ERBB4: variants seen among roughly 807,000 people sequenced by gnomAD.
ERBB4 encodes erb-b2 receptor tyrosine kinase 4.
ERBB4 carries 42 observed loss-of-function variants against 158.0 expected under a neutral mutation model. The ratio of observed to expected loss-of-function variants is 0.27; its 90% confidence interval spans 0.21 to 0.34. The LOEUF (loss-of-function observed/expected upper bound fraction) is 0.34. ERBB4 is among the 10% of genes least tolerant of loss of function. ERBB4 has a pLI of 1.00. For synonymous variants in ERBB4, 583 were observed against 558.7 expected (o/e 1.04, Z -0.61); for missense variants, 1,333 against 1,624.1 (o/e 0.82, Z 3.08).
At position 211,955,186 on chromosome 2, in the gene ERBB4, C is replaced by T. The variant is rs17414654; in HGVS notation, c.235-7570G>A. 7.1e-3 allele frequency among the ~76,000 whole-genome samples: 1,079 copies of T among 152,136 alleles called. 7 individuals carry two copies. The highest frequency in any genetic ancestry group is 0.011 in the Non-Finnish European group (726 of 67,964). The stretch of plus-strand genomic sequence containing the variant: ...ATCCCAACAAACTGCTAACTTTCAG[C>T]CATTTCCAGCTAGTCTCTTGGGTGC... On this transcript the variant is annotated intron_variant, in intron 2 of 27. Transcript: ENST00000342788.
Position 211,561,235 on chromosome 2 carries a change from C to CA in ERBB4, c.2487+667dup, listed in dbSNP as rs1403709961. 3.9e-5 allele frequency among the ~76,000 whole-genome samples: 6 copies of CA among 152,104 alleles called. 1 individual carries two copies. The highest frequency in any genetic ancestry group is 3.3e-4 in the Admixed American group (5 of 15,254). On this transcript the variant is annotated intron_variant, in intron 20 of 27. Transcript: ENST00000342788. ...CTTAAGATTTAAATTTGGGAAATCACAAAAAATCCAGAATTCTGGCCACTC... is the reference window on the plus strand; with the variant it reads ...CTTAAGATTTAAATTTGGGAAATCACAAAAAAATCCAGAATTCTGGCCACTC...
intron 1 of ERBB4, among the ~76,000 whole-genome samples, chr2:212,414,030 A>G (rs1424297801): frequency 6.6e-6 from 1 of 152,204 alleles, no homozygotes; most frequent in Non-Finnish European, 1.5e-5. Flanking sequence ...TCATGAGTTG[A>G]CAGTAAATTG....
intron 2 of ERBB4, among the ~76,000 whole-genome samples, chr2:212,071,881 T>A (rs1575596047): frequency 6.6e-6 from 1 of 152,034 alleles, no homozygotes; most frequent in Non-Finnish European, 1.5e-5. Flanking sequence ...AGACAATAGA[T>A]GTCTACTGCA....
intron 1 of ERBB4, among the ~76,000 whole-genome samples, chr2:212,452,833 G>A (rs1002778840): frequency 2.0e-5 from 3 of 151,998 alleles, no homozygotes; most frequent in Non-Finnish European, 4.4e-5. Context: ...GTTAAAATTT[G>A]TTTTTAAAAC....
chr2:212,038,776 G>A (rs2077072719), intron 2 of ERBB4, among the ~76,000 whole-genome samples: 1 of 152,086 alleles, frequency 6.6e-6, no homozygotes, highest in Non-Finnish European at 1.5e-5. Context: ...AATAAAATAA[G>A]AGCAACAGAA....
At chr2:211,745,720 AAAACAAAAACAAAAC>A (rs1301665043) in intron 5 of ERBB4, among the ~76,000 whole-genome samples, 3 of 122,866 alleles carry the variant, frequency 2.4e-5, no homozygotes, top group Non-Finnish European at 3.7e-5. Context: ...CGCCAGAAAA[AAAACAAAAACAAAAC>A]AAAAAAAACC....
At chr2:211,774,819 C>T (rs2075831345) in intron 4 of ERBB4, among the ~76,000 whole-genome samples, 1 of 152,070 alleles carries the variant, frequency 6.6e-6, no homozygotes, top group Admixed American at 6.6e-5. Flanking sequence ...GGGCTGTTAA[C>T]TGTTAGTGGG....
chr2:211,682,723 T>C (rs1263156324), intron 12 of ERBB4, among the ~76,000 whole-genome samples: 4 of 152,204 alleles, frequency 2.6e-5, no homozygotes, highest in East Asian at 1.9e-4. Context: ...TCTCTCATAG[T>C]ATTTTTCCAT....
At chr2:211,944,202 A>AG (rs1211091947) in intron 3 of ERBB4, among the ~76,000 whole-genome samples, 3 of 31,236 alleles carry the variant, frequency 9.6e-5, no homozygotes, top group African/African-American at 4.0e-4. Flanking sequence ...TATATATACT[A>AG]TATATATATA....
At chr2:212,268,007 T>C (rs2085211246) in intron 1 of ERBB4, among the ~76,000 whole-genome samples, 1 of 151,852 alleles carries the variant, frequency 6.6e-6, no homozygotes, top group Non-Finnish European at 1.5e-5. Context: ...CTATGCCCAA[T>C]ACAGAACAAA....
At chr2:212,003,212 A>AGACAGAAAGAAG (rs2076173085) in intron 2 of ERBB4, among the ~76,000 whole-genome samples, 1 of 40,484 alleles carries the variant, frequency 2.5e-5, no homozygotes, top group African/African-American at 6.4e-5. Flanking sequence ...AAAGACAGAA[A>AGACAGAAAGAAG]GAAGGAAGGA....
At chr2:212,337,441 C>T (rs1314449325) in intron 1 of ERBB4, among the ~76,000 whole-genome samples, 1 of 152,104 alleles carries the variant, frequency 6.6e-6, no homozygotes, top group Non-Finnish European at 1.5e-5. Flanking sequence ...ACTTTCTATG[C>T]AACAAATCCG....
chr2:211,394,575 T>G (rs771455723), intron 25 of ERBB4, among the ~76,000 whole-genome samples: 1 of 152,174 alleles, frequency 6.6e-6, no homozygotes, highest in Non-Finnish European at 1.5e-5. Context: ...AGGCTCTTTT[T>G]CTTTCTTTCT....
chr2:211,716,604 A>G (rs953915028), intron 7 of ERBB4, among the ~76,000 whole-genome samples: 13 of 151,864 alleles, frequency 8.6e-5, no homozygotes, highest in African/African-American at 3.1e-4. Context: ...TGAACCCGGG[A>G]GGCGGAGCTT....
At chr2:211,680,709 G>T (rs1045678224) in intron 12 of ERBB4, among the ~76,000 whole-genome samples, 1 of 152,076 alleles carries the variant, frequency 6.6e-6, no homozygotes, top group Non-Finnish European at 1.5e-5. Context: ...ATATCCTGGG[G>T]TTATTAAAAA....
At chr2:212,477,283 G>C (rs367916060) in intron 1 of ERBB4, among the ~76,000 whole-genome samples, 79 of 152,090 alleles carry the variant, frequency 5.2e-4, no homozygotes, top group African/African-American at 1.9e-3. Context: ...GTTCTCATTA[G>C]CTACTTTCTG....
chr2:211,529,008 G>A (rs544412917), intron 20 of ERBB4, among the ~76,000 whole-genome samples: 1 of 151,586 alleles, frequency 6.6e-6, no homozygotes, highest in South Asian at 2.1e-4. Context: ...AAAAATCTGA[G>A]TAGAGATAAA....
chr2:211,474,007 C>T (rs1489047300), intron 20 of ERBB4, among the ~76,000 whole-genome samples: 1 of 151,942 alleles, frequency 6.6e-6, no homozygotes, highest in African/African-American at 2.4e-5. Flanking sequence ...AGGTTTTTCT[C>T]CCTTCTTTGA....
chr2:212,358,377 C>A (rs1284582911), intron 1 of ERBB4, among the ~76,000 whole-genome samples: 1 of 150,272 alleles, frequency 6.7e-6, no homozygotes, highest in Non-Finnish European at 1.5e-5. Flanking sequence ...AAAAAAAAAA[C>A]AGTATTATGT....
Sources: allele counts gnomAD v4.1 joint callset (sites outside exome capture counted in the v4.1 genomes callset), GRCh38; gene constraint gnomAD v4.1.1; transcripts MANE v1.5; gene names NCBI Gene and HGNC (gene_info 2026-07-23, HGNC 2026-07-21).